Variants in CLDN16 observed in about 807,000 individuals in gnomAD.
CLDN16 encodes the protein claudin 16.
In CLDN16, 13 loss-of-function variants were observed where a neutral mutation model predicts 24.6. The observed-to-expected ratio is 0.53, with a 90% CI of 0.34 to 0.84. CLDN16 has a LOEUF of 0.84. Among genes scored for constraint, CLDN16 ranks in the 40% least tolerant of loss-of-function variants. The probability of loss-of-function intolerance (pLI) is 0.01; values close to 1 mark genes in which losing one functional copy is unlikely to be tolerated. For missense variants in CLDN16, 298 were observed against 292.7 expected, an observed-to-expected ratio of 1.02 and a Z score of -0.13; for synonymous variants, 116 against 106.7, an observed-to-expected ratio of 1.09 and a Z score of -0.54.
At chr3:190,360,650 T>C (rs1354854960) in intron 1 of CLDN16, among the ~76,000 whole-genome samples, 1 of 151,434 alleles carries the variant, frequency 6.6e-6, no homozygotes, top group Admixed American at 6.6e-5. Flanking sequence ...TATTCTTTTA[T>C]TTTTTTCCCA....
In CLDN16 at chr3:190,388,353, C is replaced by T. The variant is rs372129081; in HGVS notation, c.24C>T (p.Ile8=). ...CAATGAGGGATCTTCTTCAATACATCGCTTGCTTCTTTGCCTTTTTCTCTG... is the reference window on the plus strand; with the variant it reads ...CAATGAGGGATCTTCTTCAATACATTGCTTGCTTCTTTGCCTTTTTCTCTG... MRDLLQY[I]ACFFAFFSAG... Residue 8 remains isoleucine, a synonymous_variant, in exon 1 of 5, where the codon ATC becomes ATT. Coordinates refer to ENST00000264734, the MANE Select transcript of CLDN16 (RefSeq NM_006580.4). 8.1e-6 allele frequency: 13 copies of T among 1,613,970 alleles called. No homozygotes were observed. Among genetic ancestry groups the T allele is most frequent in the Middle Eastern group, 1.6e-4 (1 of 6,082 alleles).
chr3:190,369,610 A>G (rs1718091570), intron 1 of CLDN16, among the ~76,000 whole-genome samples: 1 of 151,960 alleles, frequency 6.6e-6, no homozygotes, highest in African/African-American at 2.4e-5. Flanking sequence ...TATCTTAGAA[A>G]AATGAAACTT....
Position 190,327,421 on chromosome 3 carries a change from A to G in CLDN16, n.121+4760A>G, listed in dbSNP as rs141346345. 8.1e-4 allele frequency among the ~76,000 whole-genome samples: 123 copies of G among 152,194 alleles called. 1 individual carries two copies. Among genetic ancestry groups the G allele is most frequent in the African/African-American group, 2.8e-3 (116 of 41,508 alleles). Reference sequence around the variant, plus strand: ...GTGGACACATAAAATCAACCATCACACTCACTAACACTTACTGATCATTTA... The same window carrying G: ...GTGGACACATAAAATCAACCATCACGCTCACTAACACTTACTGATCATTTA... On this transcript the variant is annotated intron_variant and non_coding_transcript_variant, in intron 1 of 4. Transcript: ENST00000468220.
the CLDN16 span, among the ~76,000 whole-genome samples, chr3:190,302,792 A>G: frequency 1.3e-5 from 2 of 149,024 alleles, no homozygotes; most frequent in South Asian, 2.1e-4. Context: ...ATATATATAT[A>G]TATATATGAA....
intron 1 of CLDN16, among the ~76,000 whole-genome samples, chr3:190,350,459 G>A (rs1717648484): frequency 6.6e-6 from 1 of 151,708 alleles, no homozygotes; most frequent in South Asian, 2.1e-4. Flanking sequence ...ATTTTGAAAA[G>A]CAACTAAGAA....
chr3:190,357,403 CTCTT>C (rs1021068963), intron 1 of CLDN16, among the ~76,000 whole-genome samples: 2 of 151,916 alleles, frequency 1.3e-5, no homozygotes, highest in African/African-American at 4.8e-5. Flanking sequence ...GGTTCAAACA[CTCTT>C]TATTTTTGCC....
intron 1 of CLDN16, among the ~76,000 whole-genome samples, chr3:190,363,712 C>T (rs114355987): frequency 5.7e-4 from 86 of 150,912 alleles, no homozygotes; most frequent in African/African-American, 1.9e-3. Flanking sequence ...TTGATGTTAA[C>T]GGCCTATTTG....
At chr3:190,399,462 A>G (rs979697664) in intron 1 of CLDN16, among the ~76,000 whole-genome samples, 2 of 152,164 alleles carry the variant, frequency 1.3e-5, no homozygotes, top group South Asian at 2.1e-4. Flanking sequence ...CCGTGAGCCG[A>G]TCGCGCCATT....
chr3:190,398,593 G>C (rs1718879561), intron 1 of CLDN16, among the ~76,000 whole-genome samples: 2 of 152,160 alleles, frequency 1.3e-5, no homozygotes, highest in South Asian at 4.1e-4. Context: ...TGGTAAGAAT[G>C]TGGACATATC....
Position 190,410,091 on chromosome 3 carries a change from T to C in CLDN16, c.*55T>C, listed in dbSNP as rs1210456095. ...GATTTAATCAATCAGTATGGTTACA[T>C]TGATAAAATAGTAAGTCAATCCAGG... On this transcript the variant is annotated 3_prime_UTR_variant, in exon 5 of 5. Transcript: ENST00000264734. The C allele has an allele frequency of 1.1e-5, 17 of 1,582,880 alleles. No homozygotes were observed. The South Asian group carries it at 1.4e-4, about 13-fold the overall frequency.
At chr3:190,374,819 A>T (rs761539661) in intron 3 of CLDN16, among the ~76,000 whole-genome samples, 2 of 151,986 alleles carry the variant, frequency 1.3e-5, no homozygotes. Flanking sequence ...AAAATTCTAC[A>T]TGTATTGTGT....
chr3:190,352,103 A>C (rs1717682338), intron 1 of CLDN16, among the ~76,000 whole-genome samples: 1 of 152,022 alleles, frequency 6.6e-6, no homozygotes, highest in Non-Finnish European at 1.5e-5. Flanking sequence ...ATGCTTTTCT[A>C]AATATTATTT....
At chr3:190,350,438 A>G (rs750188329) in intron 1 of CLDN16, among the ~76,000 whole-genome samples, 3 of 151,826 alleles carry the variant, frequency 2.0e-5, no homozygotes, top group African/African-American at 4.8e-5. Flanking sequence ...TGTTAAAAAG[A>G]GTCAATGTGT....
chr3:190,295,852 AACTC>A, the CLDN16 span, among the ~76,000 whole-genome samples: 1 of 152,202 alleles, frequency 6.6e-6, no homozygotes, highest in African/African-American at 2.4e-5. Flanking sequence ...CTAGGCTTAT[AACTC>A]ACTCTACGTG....
At chr3:190,380,532 T>C (rs1274823119) in intron 3 of CLDN16, among the ~76,000 whole-genome samples, 1 of 152,036 alleles carries the variant, frequency 6.6e-6, no homozygotes, top group Non-Finnish European at 1.5e-5. Flanking sequence ...GACTGAAGTA[T>C]TCATGGGTTA....
At chr3:190,291,109 C>G in the CLDN16 span, among the ~76,000 whole-genome samples, 761 of 152,194 alleles carry the variant, frequency 5.0e-3, 3 homozygotes, top group Non-Finnish European at 8.3e-3. Context: ...TAGAGAAAAA[C>G]AATCTAGGCA....
chr3:190,360,921 G>A (rs1351711106), intron 1 of CLDN16, among the ~76,000 whole-genome samples: 1 of 151,664 alleles, frequency 6.6e-6, no homozygotes, highest in African/African-American at 2.4e-5. Context: ...TACCCCCACT[G>A]TTCTTTGTGC....
intron 1 of CLDN16, among the ~76,000 whole-genome samples, chr3:190,352,194 AG>A (rs1459716669): frequency 1.3e-5 from 2 of 152,060 alleles, no homozygotes; most frequent in Non-Finnish European, 2.9e-5. Flanking sequence ...TAAAAAAGGA[AG>A]GGGGATCAGG....
Position 190,409,909 on chromosome 3 carries a change from G to C in CLDN16, c.581G>C (p.Gly194Ala). ...TCCLYLFKDV[G>A]PERNYPYSLR... The stretch of plus-strand genomic sequence containing the variant: ...TTATATTTCTTTCAAACAGATGTTG[G>C]ACCTGAGAGAAACTATCCTTATTCC... Residue 194 changes from glycine (G) to alanine (A), a missense_variant, in exon 5 of 5, where the codon GGA becomes GCA. Gly to Ala is a moderately conservative substitution (Grantham distance 60). Transcript: ENST00000264734. 1 of 1,613,808 alleles carries C rather than the reference G, an allele frequency of 6.2e-7. No individual in the cohort carries two copies. The highest frequency in any genetic ancestry group is 8.5e-7 in the Non-Finnish European group (1 of 1,179,858).
Sources: allele counts gnomAD v4.1 joint callset (sites outside exome capture counted in the v4.1 genomes callset), GRCh38; gene constraint gnomAD v4.1.1; transcripts MANE v1.5; gene names NCBI Gene and HGNC (gene_info 2026-07-23, HGNC 2026-07-21).